WDR27: variants seen among roughly 807,000 people sequenced by gnomAD.
WDR27 encodes WD repeat-containing protein 27.
A neutral mutation model predicts 114.4 loss-of-function variants in WDR27; 100 were observed. The ratio of observed to expected loss-of-function variants is 0.87; its 90% confidence interval spans 0.74 to 1.03. WDR27 has a LOEUF of 1.03. Ranked by LOEUF, WDR27 falls within the 50% of genes least tolerant of loss-of-function variation. The pLI is 0.00. For synonymous variants in WDR27, 449 were observed against 423.1 expected (o/e 1.06, Z -0.75); for missense variants, 1,129 against 1,092.9 (o/e 1.03, Z -0.47).
intron 25 of WDR27, among the ~76,000 whole-genome samples, chr6:169,506,018 A>G (rs1183005100): frequency 6.6e-6 from 1 of 152,182 alleles, no homozygotes; most frequent in Non-Finnish European, 1.5e-5. Context: ...AAACTCATAA[A>G]CAAAGCTCCC....
chr6:169,580,015 C>T (rs1803107778), intron 24 of WDR27, among the ~76,000 whole-genome samples: 1 of 152,208 alleles, frequency 6.6e-6, no homozygotes, highest in Non-Finnish European at 1.5e-5. Context: ...GCTATGCTCT[C>T]ACCGTTTCAC....
intron 2 of WDR27, among the ~76,000 whole-genome samples, chr6:169,680,743 A>G (rs1562918827): frequency 6.6e-6 from 1 of 152,254 alleles, no homozygotes; most frequent in Non-Finnish European, 1.5e-5. Flanking sequence ...TGAAAGAGAT[A>G]CAATGCTAAC....
At chr6:169,601,219 G>A (rs113083164) in intron 23 of WDR27, among the ~76,000 whole-genome samples, 28 of 152,266 alleles carry the variant, frequency 1.8e-4, no homozygotes, top group Non-Finnish European at 2.8e-4. Context: ...ACTAAGCTTC[G>A]TAAGTGAAGG....
At chr6:169,624,506 C>T (rs1313786992) in intron 21 of WDR27, among the ~76,000 whole-genome samples, 1 of 152,160 alleles carries the variant, frequency 6.6e-6, no homozygotes, top group African/African-American at 2.4e-5. Context: ...GGAGGCTGGG[C>T]TGTGCCCTGG....
chr6:169,481,981 G>A (rs1364489059), intron 25 of WDR27, among the ~76,000 whole-genome samples: 1 of 152,204 alleles, frequency 6.6e-6, no homozygotes, highest in African/African-American at 2.4e-5. Flanking sequence ...ACATCCCAGT[G>A]TCTGTTGTTT....
At chr6:169,447,595 C>T in the WDR27 span, among the ~76,000 whole-genome samples, 1 of 152,154 alleles carries the variant, frequency 6.6e-6, no homozygotes, top group East Asian at 1.9e-4. Context: ...ATATTGGAGT[C>T]TAGGGATTTT....
chr6:169,689,451 C>G (rs1325689074), intron 1 of WDR27: 5 of 153,018 alleles, frequency 3.3e-5, no homozygotes, highest in African/African-American at 1.2e-4. Flanking sequence ...TTGACCACAG[C>G]AAATCAGTTG....
At chr6:169,437,833 T>A in the WDR27 span, among the ~76,000 whole-genome samples, 1,557 of 152,332 alleles carry the variant, frequency 0.01, 33 homozygotes, top group African/African-American at 0.036. Flanking sequence ...TGTGGCCCGA[T>A]GCTGGCCAAC....
chr6:169,518,203 G>A (rs575867913), intron 25 of WDR27, among the ~76,000 whole-genome samples: 97 of 152,276 alleles, frequency 6.4e-4, no homozygotes, highest in African/African-American at 2.2e-3. Context: ...CCATTCTGGG[G>A]TCTAGAGGGC....
intron 2 of WDR27, among the ~76,000 whole-genome samples, chr6:169,687,000 A>G (rs1432559407): frequency 6.6e-6 from 1 of 152,116 alleles, no homozygotes; most frequent in Admixed American, 6.5e-5. Context: ...GGAATTGGGG[A>G]GAGTGAAAAG....
rs138198391 is a variant in WDR27 at position 169,589,487 on chromosome 6, C to A, written c.2425-6553G>T. ...TTTGCATGAAACCTCAAAACACACA[C>A]TGAATGACATAATACAGTGGCAGGA... is the stretch of plus-strand genomic sequence containing the variant. On this transcript the variant is annotated intron_variant, in intron 23 of 25. Transcript: ENST00000448612. Among the ~76,000 whole-genome samples, 64 of 152,292 alleles carry A rather than the reference C, an allele frequency of 4.2e-4. No individual in the cohort carries two copies. In the South Asian group the frequency reaches 6.8e-3, roughly 16 times the overall value.
At chr6:169,547,517 C>G (rs1797610968) in intron 25 of WDR27, among the ~76,000 whole-genome samples, 1 of 152,136 alleles carries the variant, frequency 6.6e-6, no homozygotes, top group African/African-American at 2.4e-5. Flanking sequence ...AAGGCTGATT[C>G]AACATTTAAA....
At chr6:169,475,127 T>C (rs1205476910) in intron 25 of WDR27, among the ~76,000 whole-genome samples, 2 of 152,272 alleles carry the variant, frequency 1.3e-5, no homozygotes, top group Non-Finnish European at 2.9e-5. Context: ...ATTACATTTT[T>C]TTGTCACATT....
chr6:169,516,096 G>A (rs1793596615), intron 25 of WDR27, among the ~76,000 whole-genome samples: 2 of 152,082 alleles, frequency 1.3e-5, no homozygotes, highest in Admixed American at 6.6e-5. Flanking sequence ...TTCCATAAAA[G>A]CAATAAGAAA....
chr6:169,649,436 C>T (rs1370876167), intron 14 of WDR27, among the ~76,000 whole-genome samples, 161 bp from the exon 15 acceptor site: 1 of 152,032 alleles, frequency 6.6e-6, no homozygotes, highest in African/African-American at 2.4e-5. Context: ...TAAGTCACCT[C>T]CTCCCCTCCT....
chr6:169,697,707 C>T (rs1786570382), intron 1 of WDR27, among the ~76,000 whole-genome samples: 1 of 152,220 alleles, frequency 6.6e-6, no homozygotes, highest in African/African-American at 2.4e-5. Flanking sequence ...CTCTCTCTGC[C>T]TTGGCTGCCA....
At chr6:169,499,172 G>A (rs551268486) in intron 25 of WDR27, among the ~76,000 whole-genome samples, 8 of 152,326 alleles carry the variant, frequency 5.3e-5, no homozygotes, top group Non-Finnish European at 4.4e-5. Context: ...ACTTCACTGG[G>A]ACTCAGTAAT....
intron 25 of WDR27, among the ~76,000 whole-genome samples, chr6:169,489,809 T>C (rs986651749): frequency 6.6e-6 from 1 of 152,228 alleles, no homozygotes; most frequent in African/African-American, 2.4e-5. Context: ...AATTTCATGA[T>C]TTCTCAAATG....
intron 24 of WDR27, among the ~76,000 whole-genome samples, chr6:169,574,168 C>T (rs1169624763): frequency 6.6e-6 from 1 of 152,258 alleles, no homozygotes; most frequent in Non-Finnish European, 1.5e-5. Flanking sequence ...GATTCCGAAG[C>T]CACTCTGCAG....
Sources: allele counts gnomAD v4.1 joint callset (sites outside exome capture counted in the v4.1 genomes callset), GRCh38; gene constraint gnomAD v4.1.1; transcripts MANE v1.5; gene names NCBI Gene and HGNC (gene_info 2026-07-23, HGNC 2026-07-21).